FER1L5: variants seen among roughly 807,000 people sequenced by gnomAD.
The protein encoded by FER1L5 is fer-1-like protein 5.
Under a neutral mutation model 279.9 loss-of-function variants are expected in FER1L5, and 187 were observed. The observed-to-expected ratio is 0.67, with a 90% CI of 0.59 to 0.75. FER1L5 has a LOEUF of 0.75. Among genes scored for constraint, FER1L5 ranks in the 30% least tolerant of loss-of-function variants. The pLI is 0.00. For missense variants in FER1L5, 2,091 were observed against 2,594.4 expected (o/e 0.81, Z 4.21); for synonymous variants, 921 against 989.7 (o/e 0.93, Z 1.30).
At position 96,702,098 on chromosome 2, in the gene FER1L5, G is replaced by A. The variant is rs1361399797; in HGVS notation, c.5159+55G>A. The A allele has an allele frequency of 1.3e-6, 2 of 1,598,234 alleles. No individual in the cohort carries two copies. Among genetic ancestry groups the A allele is most frequent in the Non-Finnish European group, 1.7e-6 (2 of 1,167,448 alleles). ...CATTTCACAGTTCAGAACTCCCCCA[G>A]TGCAGGGCACCACTGTCCTCAGGTA... On this transcript the variant is annotated intron_variant, in intron 46 of 52. Coordinates refer to ENST00000624922, the MANE Select transcript of FER1L5 (RefSeq NM_001293083.2). The surrounding 1 kb of genome is among the most constrained non-coding windows in gnomAD (Gnocchi z 4.0).
At chr2:96,651,181 C>G (rs2075345677) in intron 6 of FER1L5, among the ~76,000 whole-genome samples, 1 of 152,216 alleles carries the variant, frequency 6.6e-6, no homozygotes, top group African/African-American at 2.4e-5. Context: ...CTAGCCTTCT[C>G]CCAGTGGATT....
At position 96,687,909 on chromosome 2, in the gene FER1L5, C is replaced by G; in HGVS notation, c.2323C>G (p.Leu775Val). 1 of 1,551,128 alleles carries G rather than the reference C, an allele frequency of 6.4e-7. No homozygotes were observed. Reference protein sequence around the residue: ...GNVTDSKDLQLLRQGDTAVYA... With the variant: ...GNVTDSKDLQVLRQGDTAVYA... ...TGTCACAGACAGCAAGGACCTGCAG[C>G]TGCTCCGCCAGGGTGACACAGCGGT... The change falls in exon 24 of 53, where the codon CTG (leucine) becomes GTG (valine). Residue 775 changes from leucine (L) to valine (V), a missense_variant. Transcript: ENST00000624922.
At chr2:96,668,182 T>C (rs1287275767) in intron 14 of FER1L5, among the ~76,000 whole-genome samples, 1 of 152,088 alleles carries the variant, frequency 6.6e-6, no homozygotes, top group Non-Finnish European at 1.5e-5. Context: ...AAAACGATCA[T>C]GTGACAAGTT....
At chr2:96,674,586 T>C (rs563767973) in intron 19 of FER1L5, among the ~76,000 whole-genome samples, 117 of 152,326 alleles carry the variant, frequency 7.7e-4, no homozygotes, top group Middle Eastern at 6.8e-3. Context: ...ACATATAATA[T>C]GTGGTTCTTT....
At chr2:96,663,051 C>G (rs190193065) in intron 13 of FER1L5, among the ~76,000 whole-genome samples, 1 of 152,214 alleles carries the variant, frequency 6.6e-6, no homozygotes, top group Non-Finnish European at 1.5e-5. Context: ...ACTCAACTGA[C>G]GGTTTTAAAA....
chr2:96,704,474 T>G lies in FER1L5; in HGVS notation c.5956T>G (p.Leu1986Val), dbSNP rs2077713685. The part of the protein sequence containing the change: ...FNFIYSAPHY[L>V]AMSWIKPQLQ... ...TGTTGTCTGTTCTCTCTAGCACTAT[T>G]TGGCCATGAGCTGGATCAAACCTCA... is the stretch of plus-strand genomic sequence containing the variant. The change falls in exon 53 of 53, where the codon TTG becomes GTG. Residue 1986 changes from leucine to valine, a missense_variant. Leu to Val is a conservative substitution (Grantham distance 32). Coordinates refer to ENST00000624922, the MANE Select transcript of FER1L5 (RefSeq NM_001293083.2). The G allele has an allele frequency of 6.2e-7, 1 of 1,613,950 alleles. No individual in the cohort carries two copies. Among genetic ancestry groups the G allele is most frequent in the African/African-American group, 1.3e-5 (1 of 75,010 alleles).
intron 20 of FER1L5, among the ~76,000 whole-genome samples, chr2:96,684,911 G>T (rs749468233): frequency 2.0e-5 from 3 of 152,124 alleles, no homozygotes; most frequent in Non-Finnish European, 2.9e-5. Context: ...TCTGAAGTTC[G>T]GCAGGATCTG....
chr2:96,685,798 A>G (rs2076901145), intron 21 of FER1L5, 142 bp from the exon 22 acceptor site: 10 of 1,061,980 alleles, frequency 9.4e-6, no homozygotes, highest in Non-Finnish European at 1.3e-5. Context: ...GAGCAGTGGG[A>G]AGGGCTCCTG....
At chr2:96,684,199 A>C in intron 19 of FER1L5, 128 bp from the exon 20 acceptor site, 2 of 1,257,464 alleles carry the variant, frequency 1.6e-6, no homozygotes, top group African/African-American at 3.0e-5. Context: ...GGCTCCAGTC[A>C]GCATTGTTAG....
chr2:96,702,410 G>C lies in FER1L5; in HGVS notation c.5255+9G>C. ...GACATCTACATCAAAGGGTAGGGAA[G>C]AGGAGTCAGGCTCCGGCAGAGCCCC... On this transcript the variant is annotated intron_variant, in intron 47 of 52. Transcript: ENST00000624922. This position sits in a 1 kb window ranked among gnomAD's most constrained non-coding sequence, Gnocchi z 4.0. 1 of 1,606,558 alleles carries C rather than the reference G, an allele frequency of 6.2e-7. No homozygotes were observed. The highest frequency in any genetic ancestry group is 8.5e-7 in the Non-Finnish European group (1 of 1,176,672).
rs2153305657 is a variant in FER1L5, at chr2:96,698,728, C to T, written c.4414C>T (p.Gln1472Ter). ...ENPEAPKPPLQFLVWPEREDF... is the reference protein window; with the variant it reads ...ENPEAPKPPL ...TCCAGAAGCCCCAAAGCCCCCGCTG[C>T]AGTTCTTGGTTTGGCCAGAGAGAGA... The change falls in exon 41 of 53, where the codon CAG (glutamine) becomes TAG (stop). Residue 1472 changes from glutamine (Q) to a stop codon, truncating the protein, a stop_gained. Transcript: ENST00000624922. LOFTEE classifies it high-confidence loss of function. The surrounding 1 kb of genome is among the most constrained non-coding windows in gnomAD (Gnocchi z 5.5). The T allele has an allele frequency of 6.3e-7, 1 of 1,581,412 alleles. No individual in the cohort carries two copies. The highest frequency in any genetic ancestry group is 8.6e-7 in the Non-Finnish European group (1 of 1,164,340).
rs1043852037 is a variant in FER1L5, at chr2:96,685,323, G to C, written c.1795-6G>C. On this transcript the variant is annotated splice_polypyrimidine_tract_variant and splice_region_variant and intron_variant, in intron 20 of 52. Coordinates refer to ENST00000624922, the MANE Select transcript of FER1L5 (RefSeq NM_001293083.2). ...GCTCTCTCACCATTTCTCTCCTGCT[G>C]GGCAGAAAGCCAACCTGGACACCCT... The C allele has an allele frequency of 6.4e-7, 1 of 1,551,028 alleles. No homozygotes were observed. Among genetic ancestry groups the C allele is most frequent in the African/African-American group, 1.4e-5 (1 of 73,002 alleles).
chr2:96,690,574 G>A lies in FER1L5; in HGVS notation c.2728G>A (p.Ala910Thr), dbSNP rs971703716. The A allele has an allele frequency of 5.2e-6, 8 of 1,551,466 alleles. No individual in the cohort carries two copies. Among genetic ancestry groups the A allele is most frequent in the Admixed American group, 2.0e-5 (1 of 50,986 alleles). Residue 910 changes from alanine to threonine, a missense_variant, in exon 27 of 53, where the codon GCA becomes ACA. By Grantham distance (58) the Ala-to-Thr change is moderately conservative. Transcript: ENST00000624922. ...GGACTGGGTGGTGGAGCTGAACCACGCAGTGGACAGTAAGGGTCAGTCGTT... is the reference window on the plus strand; with the variant it reads ...GGACTGGGTGGTGGAGCTGAACCACACAGTGGACAGTAAGGGTCAGTCGTT... ...KKDWVVELNHAVDSKGWEYGV... is the reference protein window; with the variant it reads ...KKDWVVELNHTVDSKGWEYGV...
rs2077169042 is a variant in FER1L5 at position 96,692,022 on chromosome 2, G to GC, written c.3214+59_3214+60insC. 4.9e-6 allele frequency: 7 copies of GC among 1,433,018 alleles called. No individual in the cohort carries two copies. In the East Asian group the frequency reaches 7.5e-5, roughly 15 times the overall value. The allele number at this position is 1,433,018 out of a possible 1,614,324, so 88.8% of individuals were successfully genotyped here. On this transcript the variant is annotated intron_variant, in intron 30 of 52. Coordinates refer to ENST00000624922, the MANE Select transcript of FER1L5 (RefSeq NM_001293083.2). ...CCCAGAGGCCAGTACCCGAGGGCGGGGGGGGGGGACAGGGTGGGGGCAGTC... is the reference window on the plus strand; with the variant it reads ...CCCAGAGGCCAGTACCCGAGGGCGGGCGGGGGGGGACAGGGTGGGGGCAGTC...
chr2:96,694,326 C>A lies in FER1L5; in HGVS notation c.3637-34C>A. On this transcript the variant is annotated intron_variant, in intron 33 of 52. Transcript: ENST00000624922. The surrounding 1 kb of genome is among the most constrained non-coding windows in gnomAD (Gnocchi z 4.6). ...GTGAGGGTGAGGGCAGCAGGACCAG[C>A]CCAGAGGGCCTCATGCTCCCTGCCC... 6.6e-7 allele frequency: 1 copy of A among 1,520,690 alleles called. No homozygotes were observed. Among genetic ancestry groups the A allele is most frequent in the Non-Finnish European group, 8.9e-7 (1 of 1,128,294 alleles). The allele number at this position is 1,520,690 out of a possible 1,614,324, so 94.2% of individuals were successfully genotyped here.
In FER1L5 at chr2:96,702,339, C is replaced by A; in HGVS notation, c.5193C>A (p.Ala1731=). The change falls in exon 47 of 53, where the codon GCC becomes GCA. Residue 1731 remains alanine (A), a synonymous_variant. Transcript: ENST00000624922. The surrounding 1 kb of genome is among the most constrained non-coding windows in gnomAD (Gnocchi z 4.0). The part of the protein sequence containing the change: ...YELRCIIWKT[A]NVDLVDDNLS... ...TGCGATGCATCATCTGGAAGACTGC[C>A]AATGTGGACCTGGTGGATGACAATT... The A allele has an allele frequency of 6.2e-7, 1 of 1,612,980 alleles. No individual in the cohort carries two copies. Among genetic ancestry groups the A allele is most frequent in the Non-Finnish European group, 8.5e-7 (1 of 1,179,620 alleles).
At chr2:96,650,796 A>G (rs537048910) in intron 6 of FER1L5, among the ~76,000 whole-genome samples, 407 of 152,228 alleles carry the variant, frequency 2.7e-3, no homozygotes, top group Non-Finnish European at 4.9e-3. Context: ...CCTGCTCCCC[A>G]GCCTGCTCCT....
Position 96,701,933 on chromosome 2 carries a change from A to T in FER1L5, c.5071-22A>T, listed in dbSNP as rs1403592278. The T allele has an allele frequency of 1.9e-6, 3 of 1,612,432 alleles. No individual in the cohort carries two copies. The African/African-American group carries it at 4.0e-5, about 22-fold the overall frequency. On this transcript the variant is annotated intron_variant, in intron 45 of 52. Coordinates refer to ENST00000624922, the MANE Select transcript of FER1L5 (RefSeq NM_001293083.2). ...GAACAGAGGCTAGCAACCCCCAACC[A>T]GTCAATGTATCCCGGCTCTAGGGAA...
intron 43 of FER1L5, 62 bp downstream of exon 43, chr2:96,699,782 C>A: frequency 6.3e-7 from 1 of 1,597,758 alleles, no homozygotes; most frequent in Non-Finnish European, 8.5e-7. Context: ...GCCTACAGCT[C>A]CCTTGGGAGA....
Sources: allele counts gnomAD v4.1 joint callset (sites outside exome capture counted in the v4.1 genomes callset), GRCh38; gene constraint gnomAD v4.1.1; non-coding constraint Gnocchi (gnomAD v3.1); transcripts MANE v1.5; gene names NCBI Gene and HGNC (gene_info 2026-07-23, HGNC 2026-07-21).